The following NT5DC1 variants were observed in gnomAD, a reference collection of about 807,000 sequenced individuals.
NT5DC1 encodes 5'-nucleotidase domain containing 1.
In NT5DC1, 42 loss-of-function variants were observed where a neutral mutation model predicts 59.4. The observed-to-expected ratio is 0.71, with a 90% CI of 0.55 to 0.92. The LOEUF (loss-of-function observed/expected upper bound fraction) is 0.92. Ranked by LOEUF, NT5DC1 falls within the 40% of genes least tolerant of loss-of-function variation. The probability of loss-of-function intolerance (pLI) is 0.00; values close to 1 mark genes in which losing one functional copy is unlikely to be tolerated. For missense variants in NT5DC1, 501 were observed against 537.1 expected (o/e 0.93, Z 0.66); for synonymous variants, 172 against 188.1 (o/e 0.91, Z 0.70).
chr6:116,216,567 A>C (rs1781691128), intron 6 of NT5DC1, among the ~76,000 whole-genome samples: 1 of 151,842 alleles, frequency 6.6e-6, no homozygotes, highest in South Asian at 2.1e-4. Context: ...CCCAGCTTTT[A>C]TTTGAGAGAC....
At chr6:116,219,527 C>A (rs1056523765) in intron 6 of NT5DC1, among the ~76,000 whole-genome samples, 3 of 152,162 alleles carry the variant, frequency 2.0e-5, no homozygotes, top group South Asian at 4.1e-4. Context: ...GCATCACAGA[C>A]CCCCTCAGAG....
chr6:116,108,475 C>G (rs1314599506), intron 3 of NT5DC1, 40 bp downstream of exon 3: 2 of 1,149,900 alleles, frequency 1.7e-6, no homozygotes, highest in East Asian at 2.3e-5. Context: ...TTTACCTTCT[C>G]TGAGACACTT....
rs1771881686 is a variant in NT5DC1 at position 116,247,962 on chromosome 6, AC to A, written c.*3939del. The A allele has an allele frequency of 6.6e-6, 1 of 152,230 alleles. No homozygotes were observed. Among genetic ancestry groups the A allele is most frequent in the Non-Finnish European group, 1.5e-5 (1 of 68,034 alleles). 9.4% of individuals were successfully genotyped at this position (152,230 alleles called of 1,614,324 possible). On this transcript the variant is annotated 3_prime_UTR_variant, in exon 12 of 12. Transcript: ENST00000319550. ...TGATAATTTCATTCATGTGCAGCAAACATCAAGGTTACATAAGTAAATTCAA... is the reference window on the plus strand; with the variant it reads ...TGATAATTTCATTCATGTGCAGCAAAATCAAGGTTACATAAGTAAATTCAA...
At chr6:116,159,116 A>G (rs1780272726) in intron 6 of NT5DC1, among the ~76,000 whole-genome samples, 1 of 152,198 alleles carries the variant, frequency 6.6e-6, no homozygotes, top group South Asian at 2.1e-4. Flanking sequence ...ATGGAATTCC[A>G]CAGAAGGATA....
intron 6 of NT5DC1, among the ~76,000 whole-genome samples, chr6:116,166,933 A>G (rs1364629231): frequency 1.3e-5 from 2 of 152,166 alleles, no homozygotes; most frequent in Non-Finnish European, 1.5e-5. Flanking sequence ...CCAAGGAAGT[A>G]TCTTGCCTTC....
chr6:116,131,383 T>C (rs75119759), intron 6 of NT5DC1, among the ~76,000 whole-genome samples: 4,453 of 152,286 alleles, frequency 0.029, 236 homozygotes, highest in African/African-American at 0.1. Context: ...ATTTATCCTT[T>C]TTATTAAAAA....
rs1299174534 is a variant in NT5DC1 at position 116,245,519 on chromosome 6, T to C, written c.*1495T>C. ...TTCCCTCACAGTCAGTAGCTTTGTTTGATATTTAACAATAAGTATATGGTG... is the reference window on the plus strand; with the variant it reads ...TTCCCTCACAGTCAGTAGCTTTGTTCGATATTTAACAATAAGTATATGGTG... On this transcript the variant is annotated 3_prime_UTR_variant, in exon 12 of 12. Transcript: ENST00000319550. 1 of 152,540 alleles carries C rather than the reference T, an allele frequency of 6.6e-6. No homozygotes were observed. The highest frequency in any genetic ancestry group is 2.4e-5 in the African/African-American group (1 of 41,444). 9.4% of individuals were successfully genotyped at this position (152,540 alleles called of 1,614,324 possible).
At position 116,100,903 on chromosome 6, in the gene NT5DC1, G is replaced by A. The variant is rs1449146259; in HGVS notation, c.-28G>A. On this transcript the variant is annotated 5_prime_UTR_variant, in exon 1 of 12. Transcript: ENST00000319550. Reference sequence around the variant, plus strand: ...AGCTCCTTGCACCCTTCGCGGCCGAGGCGCTCCCTGGTGCTCCCCGCGCAG... The same window carrying A: ...AGCTCCTTGCACCCTTCGCGGCCGAAGCGCTCCCTGGTGCTCCCCGCGCAG... 2 of 1,571,382 alleles carry A rather than the reference G, an allele frequency of 1.3e-6. 1 individual carries two copies. Among genetic ancestry groups the A allele is most frequent in the South Asian group, 2.3e-5 (2 of 87,868 alleles).
chr6:116,227,752 T>C (rs1053519937), intron 8 of NT5DC1, among the ~76,000 whole-genome samples: 1 of 152,216 alleles, frequency 6.6e-6, no homozygotes, highest in Non-Finnish European at 1.5e-5. Context: ...GCTAGACATT[T>C]GTATATCTTT....
In NT5DC1 at chr6:116,110,859, T is replaced by C. The variant is rs1333258723; in HGVS notation, c.267T>C (p.His89=). Residue 89 remains histidine (H), a synonymous_variant, in exon 4 of 12, where the codon CAT becomes CAC. Transcript: ENST00000319550. ...ANNGTVLRAS[H]GTKMMTPEVL... ...CCTCTCTCAAAATCAGGGCAAGCCA[T>C]GGCACCAAGATGATGACTCCAGAGG... 6.2e-7 allele frequency: 1 copy of C among 1,613,202 alleles called. No individual in the cohort carries two copies. The highest frequency in any genetic ancestry group is 8.5e-7 in the Non-Finnish European group (1 of 1,179,194).
At chr6:116,113,459 C>T (rs1034416769) in intron 4 of NT5DC1, among the ~76,000 whole-genome samples, 6 of 152,188 alleles carry the variant, frequency 3.9e-5, no homozygotes, top group Non-Finnish European at 8.8e-5. Context: ...GAACTGGGCT[C>T]ACTAATCACT....
intron 3 of NT5DC1, among the ~76,000 whole-genome samples, chr6:116,110,345 G>A (rs1013838442): frequency 1.2e-4 from 19 of 152,298 alleles, no homozygotes; most frequent in Admixed American, 1.0e-3. Flanking sequence ...GTGTCCTTGA[G>A]TGGGCAGGTT....
chr6:116,110,623 G>A, intron 3 of NT5DC1: 1 of 618,704 alleles, frequency 1.6e-6, no homozygotes, highest in South Asian at 1.8e-5. Context: ...CTCAGAGTGA[G>A]TATCTCCTAA....
At chr6:116,176,517 A>G (rs534120803) in intron 6 of NT5DC1, among the ~76,000 whole-genome samples, 6 of 152,320 alleles carry the variant, frequency 3.9e-5, no homozygotes, top group East Asian at 3.9e-4. Context: ...CATTAGCAGA[A>G]GTTTTCTGCC....
intron 8 of NT5DC1, among the ~76,000 whole-genome samples, chr6:116,233,433 G>A (rs951845684): frequency 1.3e-5 from 2 of 152,140 alleles, no homozygotes; most frequent in African/African-American, 4.8e-5. Context: ...GATGCCATAG[G>A]AGGTTGGCTG....
At chr6:116,126,895 A>G (rs1017398964) in intron 6 of NT5DC1, among the ~76,000 whole-genome samples, 3 of 152,172 alleles carry the variant, frequency 2.0e-5, no homozygotes, top group African/African-American at 7.2e-5. Context: ...GAATCATCCC[A>G]ATTAGAAACA....
intron 6 of NT5DC1, among the ~76,000 whole-genome samples, chr6:116,218,196 G>T (rs1781722682): frequency 6.6e-6 from 1 of 151,942 alleles, no homozygotes; most frequent in Non-Finnish European, 1.5e-5. Flanking sequence ...AATTAACCTA[G>T]GTAAGAAATT....
chr6:116,160,332 C>A (rs541978992), intron 6 of NT5DC1, among the ~76,000 whole-genome samples: 3 of 152,222 alleles, frequency 2.0e-5, no homozygotes, highest in African/African-American at 7.2e-5. Flanking sequence ...GATGGCATCT[C>A]ACTGTGGTTT....
At chr6:116,147,881 T>C (rs1281374669) in intron 6 of NT5DC1, among the ~76,000 whole-genome samples, 1 of 151,128 alleles carries the variant, frequency 6.6e-6, no homozygotes, top group East Asian at 2.0e-4. Flanking sequence ...ATTAAAAAGG[T>C]GGAGGCAGGC....
Sources: gnomAD v4.1 joint callset for allele counts (sites outside exome capture counted in the v4.1 genomes callset) on GRCh38, gnomAD v4.1.1 for gene constraint, MANE v1.5 for transcripts, NCBI Gene and HGNC (gene_info 2026-07-23, HGNC 2026-07-21) for gene names.